The following SPTBN4 variants were observed in gnomAD, a reference collection of about 807,000 sequenced individuals.
The protein encoded by SPTBN4 is spectrin beta, non-erythrocytic 4.
Under a neutral mutation model 277.8 loss-of-function variants are expected in SPTBN4, and 96 were observed. That is an observed-to-expected ratio of 0.35 (90% CI 0.29 to 0.41). SPTBN4 has a LOEUF of 0.41. Ranked by LOEUF, SPTBN4 falls within the 10% of genes least tolerant of loss-of-function variation. The pLI, the probability that SPTBN4 is intolerant of heterozygous loss-of-function variation, is 1.00. For missense variants in SPTBN4, 3,006 were observed against 3,595.7 expected, an observed-to-expected ratio of 0.84 and a Z score of 4.19; for synonymous variants, 1,481 against 1,580.3, an observed-to-expected ratio of 0.94 and a Z score of 1.49.
chr19:40,559,269 A>G (rs1424653547), intron 26 of SPTBN4, among the ~76,000 whole-genome samples: 2 of 152,154 alleles, frequency 1.3e-5, no homozygotes, highest in African/African-American at 4.8e-5. Flanking sequence ...CTTAGAAATC[A>G]GGCTGAGAGA....
At chr19:40,556,446 C>G (rs2080980105) in intron 25 of SPTBN4, among the ~76,000 whole-genome samples, 158 bp downstream of exon 25, 1 of 152,144 alleles carries the variant, frequency 6.6e-6, no homozygotes, top group Non-Finnish European at 1.5e-5. Flanking sequence ...GAGGACCCTG[C>G]TTGGCACACA....
At chr19:40,498,168 T>C (rs17656487) in intron 7 of SPTBN4, among the ~76,000 whole-genome samples, 37,896 of 151,520 alleles carry the variant, frequency 0.25, 4,893 homozygotes, top group Middle Eastern at 0.3. Flanking sequence ...ATTTCCAGTC[T>C]ATCCCTAATC....
intron 17 of SPTBN4, among the ~76,000 whole-genome samples, chr19:40,525,777 G>A (rs1206232232): frequency 6.6e-6 from 1 of 152,216 alleles, no homozygotes; most frequent in African/African-American, 2.4e-5. Context: ...AATGCTCGGG[G>A]CTGGGATGGA....
At chr19:40,517,711 C>T (rs78825696) in intron 15 of SPTBN4, among the ~76,000 whole-genome samples, 3,021 of 152,252 alleles carry the variant, frequency 0.02, 92 homozygotes, top group African/African-American at 0.067. Flanking sequence ...ACAATCATAA[C>T]GATTTACAGC....
intron 5 of SPTBN4, 83 bp from the exon 6 acceptor site, chr19:40,494,814 T>C: frequency 8.3e-7 from 1 of 1,199,076 alleles, no homozygotes; most frequent in South Asian, 1.4e-5. Context: ...TTCCCTATCA[T>C]TCGGTCTCCC....
intron 19 of SPTBN4, among the ~76,000 whole-genome samples, chr19:40,533,716 C>T (rs571312443): frequency 2.0e-5 from 3 of 152,136 alleles, no homozygotes; most frequent in African/African-American, 7.2e-5. Context: ...TTACGGTCCT[C>T]TCCCCATGTT....
chr19:40,565,564 G>A lies in SPTBN4; in HGVS notation c.6054+3G>A, dbSNP rs2081083090. 1.9e-6 allele frequency: 3 copies of A among 1,612,988 alleles called. No individual in the cohort carries two copies. Among genetic ancestry groups the A allele is most frequent in the South Asian group, 2.2e-5 (2 of 90,932 alleles). On this transcript the variant is annotated splice_donor_region_variant and intron_variant, in intron 28 of 35. Transcript: ENST00000598249. Reference sequence around the variant, plus strand: ...ACAAAAGTGCCATGGCTGATGAGGTGGGGAGCAGGGAGGGGGTCCCCCTCT... The same window carrying A: ...ACAAAAGTGCCATGGCTGATGAGGTAGGGAGCAGGGAGGGGGTCCCCCTCT...
At chr19:40,482,480 T>C (rs2080023446) in intron 2 of SPTBN4, among the ~76,000 whole-genome samples, 1 of 151,660 alleles carries the variant, frequency 6.6e-6, no homozygotes, top group South Asian at 2.1e-4. Context: ...TGGGACCTCC[T>C]GTAAGAGGGC....
rs2080506460 is a variant in SPTBN4 at position 40,519,933 on chromosome 19, T to C, written c.3436T>C (p.Tyr1146His). The change falls in exon 16 of 36, where the codon TAT (tyrosine) becomes CAT (histidine). Residue 1146 changes from tyrosine (Y) to histidine (H), a missense_variant. This residue lies in a region of SPTBN4 where 1,759 missense variants were observed against 2,061.5 expected (regional missense o/e 0.85). Coordinates refer to ENST00000598249, the MANE Select transcript of SPTBN4 (RefSeq NM_020971.3). The surrounding 1 kb of genome is among the most constrained non-coding windows in gnomAD (Gnocchi z 5.7). ...GGAGGTGGACCAGCGCGAGGAAGAC[T>C]ATGCTCGCATCGTGGCGGCCAGCGA... ...KEEVDQREED[Y>H]ARIVAASEAL... 6.4e-7 allele frequency: 1 copy of C among 1,554,446 alleles called. No individual in the cohort carries two copies. The highest frequency in any genetic ancestry group is 2.1e-5 in the Admixed American group (1 of 47,538).
intron 24 of SPTBN4, chr19:40,555,003 A>G (rs755138968): frequency 2.5e-5 from 6 of 236,474 alleles, no homozygotes; most frequent in South Asian, 1.4e-4. Flanking sequence ...GAGATTGGCT[A>G]TGGCGGTGGG....
intron 17 of SPTBN4, among the ~76,000 whole-genome samples, chr19:40,526,648 G>A (rs1222600613): frequency 1.3e-5 from 2 of 152,010 alleles, no homozygotes; most frequent in Non-Finnish European, 2.9e-5. Flanking sequence ...GCAGTGGTGC[G>A]ATCACTGCTC....
chr19:40,554,607 G>A lies in SPTBN4; in HGVS notation c.5045G>A (p.Arg1682His). 6.4e-7 allele frequency: 1 copy of A among 1,567,394 alleles called. No homozygotes were observed. Among genetic ancestry groups the A allele is most frequent in the Admixed American group, 1.9e-5 (1 of 53,400 alleles). Residue 1682 changes from arginine to histidine, a missense_variant, in exon 24 of 36, where the codon CGC (arginine) becomes CAC (histidine). Physicochemically the swap from Arg to His is conservative, Grantham distance 29. This residue lies in a region of SPTBN4 where 425 missense variants were observed against 594.7 expected (regional missense o/e 0.71). Transcript: ENST00000598249. This position sits in a 1 kb window ranked among gnomAD's most constrained non-coding sequence, Gnocchi z 5.7. ...GAGGAAAGCATCGCGCAGCTGTCGC[G>A]CCAGTGCCGGGCGCTGCTGGAGATG... Reference protein sequence around the residue: ...NYEESIAQLSRQCRALLEMGH... With the variant: ...NYEESIAQLSHQCRALLEMGH...
chr19:40,503,685 G>C (rs1474422444), intron 11 of SPTBN4, 145 bp from the exon 12 acceptor site: 1 of 878,682 alleles, frequency 1.1e-6, no homozygotes, highest in African/African-American at 1.7e-5. Context: ...TAACAGGGGA[G>C]GATGAGGCTG....
chr19:40,529,250 TCTAAGCCGCCAGGGGGCGC>T (rs1287512378), intron 18 of SPTBN4, 119 bp downstream of exon 18: 2 of 970,558 alleles, frequency 2.1e-6, no homozygotes, highest in Non-Finnish European at 3.1e-6. Context: ...CGATGCTCGC[TCTAAGCCGCCAGGGGGCGC>T]GCGGAGCCGG....
chr19:40,507,611 G>A (rs1043557853), intron 13 of SPTBN4, among the ~76,000 whole-genome samples: 2 of 152,144 alleles, frequency 1.3e-5, no homozygotes, highest in East Asian at 1.9e-4. Context: ...TTGGAAGGCC[G>A]AGGCAGGCGG....
chr19:40,575,455 G>A lies in SPTBN4; in HGVS notation c.7581G>A (p.Ala2527=), dbSNP rs778898969. ...GWLEAVASSV[A]EHAEIARWGQ... Reference sequence around the variant, plus strand: ...TGGAGGCTGTAGCTTCCTCGGTGGCGGAACACGCAGAGATCGCCCGCTGGG... The same window carrying A: ...TGGAGGCTGTAGCTTCCTCGGTGGCAGAACACGCAGAGATCGCCCGCTGGG... Residue 2527 remains alanine (A), a synonymous_variant, in exon 36 of 36, where the codon GCG becomes GCA. Transcript: ENST00000598249. The A allele has an allele frequency of 4.3e-6, 7 of 1,613,082 alleles. No homozygotes were observed. Among genetic ancestry groups the A allele is most frequent in the Non-Finnish European group, 2.5e-6 (3 of 1,179,810 alleles).
At chr19:40,516,962 G>A (rs1368073935) in intron 15 of SPTBN4, among the ~76,000 whole-genome samples, 5 of 152,196 alleles carry the variant, frequency 3.3e-5, no homozygotes, top group Admixed American at 3.3e-4. Flanking sequence ...ACTAATATCA[G>A]TACCTCTGGA....
chr19:40,474,387 G>A (rs544919052), intron 2 of SPTBN4, among the ~76,000 whole-genome samples: 49 of 151,000 alleles, frequency 3.2e-4, no homozygotes, highest in Middle Eastern at 3.5e-3. Flanking sequence ...TTTTACCACC[G>A]AAACTCTCAG....
At chr19:40,559,271 G>A (rs1599809863) in intron 26 of SPTBN4, among the ~76,000 whole-genome samples, 4 of 152,188 alleles carry the variant, frequency 2.6e-5, no homozygotes, top group Admixed American at 2.6e-4. Flanking sequence ...TAGAAATCAG[G>A]CTGAGAGATT....
Sources: gnomAD v4.1 joint callset for allele counts (sites outside exome capture counted in the v4.1 genomes callset) on GRCh38, gnomAD v4.1.1 for gene constraint, gnomAD v4.1.1 regional missense constraint, Gnocchi (gnomAD v3.1) non-coding constraint, MANE v1.5 for transcripts, NCBI Gene and HGNC (gene_info 2026-07-23, HGNC 2026-07-21) for gene names.